NRG3: variants seen among roughly 807,000 people sequenced by gnomAD.
The protein encoded by NRG3 is neuregulin 3, also known as pro-neuregulin-3, membrane-bound isoform.
A neutral mutation model predicts 66.9 loss-of-function variants in NRG3; 31 were observed. The observed-to-expected ratio is 0.46, with a 90% CI of 0.35 to 0.63. The LOEUF is 0.63. NRG3 is among the 20% of genes least tolerant of loss of function. The probability of loss-of-function intolerance (pLI) is 0.00; values close to 1 mark genes in which losing one functional copy is unlikely to be tolerated. For missense variants in NRG3, 910 were observed against 878.9 expected (o/e 1.04, Z -0.45); for synonymous variants, 393 against 359.4 (o/e 1.09, Z -1.06).
Position 81,875,789 on chromosome 10 carries a change from C to A in NRG3, c.449C>A (p.Thr150Lys). Residue 150 changes from threonine to lysine, a missense_variant, in exon 1 of 9, where the codon ACG becomes AAG. Physicochemically the swap from Thr to Lys is moderately conservative, Grantham distance 78 (BLOSUM62 -1). Coordinates refer to ENST00000372141, the MANE Select transcript of NRG3 (RefSeq NM_001010848.4). This position sits in a 1 kb window ranked among gnomAD's most constrained non-coding sequence, Gnocchi z 5.3. The stretch of plus-strand genomic sequence containing the variant: ...GCCGGGGGTGCCGCCTCCTCCAGGA[C>A]GCCCAACCGGATTAGCACTCGCCTG... ...PSAGGAASSR[T>K]PNRISTRLTT... The A allele has an allele frequency of 6.2e-7, 1 of 1,610,938 alleles. No individual in the cohort carries two copies. The highest frequency in any genetic ancestry group is 8.5e-7 in the Non-Finnish European group (1 of 1,179,882).
At chr10:82,080,055 C>T (rs1261002860) in intron 1 of NRG3, among the ~76,000 whole-genome samples, 1 of 152,088 alleles carries the variant, frequency 6.6e-6, no homozygotes, top group Non-Finnish European at 1.5e-5. Context: ...ACAGTCAGTA[C>T]CGGGAGGTCT....
At chr10:82,851,596 C>T (rs532320254) in intron 3 of NRG3, among the ~76,000 whole-genome samples, 2 of 152,124 alleles carry the variant, frequency 1.3e-5, no homozygotes, top group Admixed American at 1.3e-4. Flanking sequence ...GATTGGATAA[C>T]CTCAAATATT....
intron 2 of NRG3, among the ~76,000 whole-genome samples, chr10:82,653,927 G>A (rs1274706102): frequency 2.0e-5 from 3 of 152,166 alleles, no homozygotes; most frequent in Non-Finnish European, 2.9e-5. Context: ...GGTGGCAGGG[G>A]GGTGCAAAGC....
intron 2 of NRG3, among the ~76,000 whole-genome samples, chr10:82,418,032 A>G (rs1017634143): frequency 2.0e-5 from 3 of 152,232 alleles, no homozygotes; most frequent in Non-Finnish European, 4.4e-5. Flanking sequence ...AATTGGAAAG[A>G]AGGTTTTAAA....
chr10:81,990,699 G>T (rs367608463), intron 1 of NRG3, among the ~76,000 whole-genome samples: 11 of 152,140 alleles, frequency 7.2e-5, no homozygotes, highest in African/African-American at 2.6e-4. Flanking sequence ...CCGGAAAAGA[G>T]ACTTATAGCA....
chr10:82,908,896 A>G (rs12263952), intron 4 of NRG3, among the ~76,000 whole-genome samples: 40,000 of 128,624 alleles, frequency 0.31, 7,215 homozygotes, highest in East Asian at 0.48. Context: ...GAGGTAGTGT[A>G]GTGAGTAGAC....
At chr10:82,592,395 G>T (rs890312379) in intron 2 of NRG3, among the ~76,000 whole-genome samples, 11 of 152,188 alleles carry the variant, frequency 7.2e-5, no homozygotes, top group African/African-American at 2.7e-4. Context: ...TGGTACAGAG[G>T]ATGTCCTCTT....
intron 2 of NRG3, among the ~76,000 whole-genome samples, chr10:82,515,256 G>A (rs937000013): frequency 6.6e-6 from 1 of 152,034 alleles, no homozygotes; most frequent in African/African-American, 2.4e-5. Flanking sequence ...CAACCAAATG[G>A]CAACAACAAC....
intron 2 of NRG3, among the ~76,000 whole-genome samples, chr10:82,430,882 AC>A (rs776649815): frequency 4.6e-5 from 7 of 152,150 alleles, no homozygotes; most frequent in Non-Finnish European, 8.8e-5. Context: ...TTGGCTGTTT[AC>A]AACTCTGTTT....
At chr10:82,151,387 A>G (rs1003592809) in intron 1 of NRG3, among the ~76,000 whole-genome samples, 1 of 152,206 alleles carries the variant, frequency 6.6e-6, no homozygotes, top group South Asian at 2.1e-4. Context: ...AATCATTGAA[A>G]TCTTATTATG....
At chr10:82,629,831 C>A (rs2049692631) in intron 2 of NRG3, among the ~76,000 whole-genome samples, 1 of 152,156 alleles carries the variant, frequency 6.6e-6, no homozygotes, top group African/African-American at 2.4e-5. Flanking sequence ...TTCAGATAGT[C>A]TTGACAATAA....
intron 2 of NRG3, among the ~76,000 whole-genome samples, chr10:82,491,795 G>A (rs1429822924): frequency 6.6e-6 from 1 of 152,112 alleles, no homozygotes; most frequent in African/African-American, 2.4e-5. Context: ...CTGCCCTCTG[G>A]CATGTAAATA....
intron 1 of NRG3, among the ~76,000 whole-genome samples, chr10:82,073,231 A>C (rs761673153): frequency 6.6e-6 from 1 of 152,202 alleles, no homozygotes; most frequent in African/African-American, 2.4e-5. Context: ...GAGTTTCACT[A>C]CTTCTTAAGA....
chr10:81,996,895 T>C (rs1197095910), intron 1 of NRG3, among the ~76,000 whole-genome samples: 2 of 152,070 alleles, frequency 1.3e-5, no homozygotes, highest in Non-Finnish European at 2.9e-5. Context: ...TATGGGTACC[T>C]CTAAAATGGT....
At chr10:81,996,180 T>C (rs1282870878) in intron 1 of NRG3, among the ~76,000 whole-genome samples, 1 of 152,194 alleles carries the variant, frequency 6.6e-6, no homozygotes, top group Non-Finnish European at 1.5e-5. Flanking sequence ...TCATGGCCAT[T>C]AGGAACAGAA....
At chr10:82,614,047 C>T (rs2048481608) in intron 2 of NRG3, among the ~76,000 whole-genome samples, 2 of 151,868 alleles carry the variant, frequency 1.3e-5, no homozygotes, top group Admixed American at 1.3e-4. Flanking sequence ...CTACAGGTGC[C>T]CAACACCATG....
chr10:82,906,256 A>G (rs927209625), intron 4 of NRG3, among the ~76,000 whole-genome samples: 3 of 152,136 alleles, frequency 2.0e-5, no homozygotes, highest in African/African-American at 7.2e-5. Context: ...CTGCTCCTCA[A>G]TATTAACCCT....
Position 82,690,932 on chromosome 10 carries a change from C to G in NRG3, c.954-47645C>G, listed in dbSNP as rs549589807. On this transcript the variant is annotated intron_variant, in intron 2 of 8. Coordinates refer to ENST00000372141, the MANE Select transcript of NRG3 (RefSeq NM_001010848.4). The stretch of plus-strand genomic sequence containing the variant: ...CTCCCTGACAGCCCCTGCTCATTCT[C>G]TTTCTTCCAGCCTGGTACTTCCTTC... 5.3e-5 allele frequency among the ~76,000 whole-genome samples: 8 copies of G among 152,280 alleles called. No homozygotes were observed. In the East Asian group the frequency reaches 1.3e-3, roughly 26 times the overall value.
chr10:82,215,273 A>G (rs2075607966), intron 1 of NRG3, among the ~76,000 whole-genome samples: 1 of 152,202 alleles, frequency 6.6e-6, no homozygotes, highest in Non-Finnish European at 1.5e-5. Context: ...CTTCGGTGAT[A>G]GCAAATGGAA....
Sources: gnomAD v4.1 joint callset for allele counts (sites outside exome capture counted in the v4.1 genomes callset) on GRCh38, gnomAD v4.1.1 for gene constraint, Gnocchi (gnomAD v3.1) non-coding constraint, MANE v1.5 for transcripts, NCBI Gene and HGNC (gene_info 2026-07-23, HGNC 2026-07-21) for gene names.